The following TATDN2 variants were observed in gnomAD, a reference collection of about 807,000 sequenced individuals.
The protein encoded by TATDN2 is TatD DNase domain containing 2.
In TATDN2, 44 loss-of-function variants were observed where a neutral mutation model predicts 60.3. The observed-to-expected ratio is 0.73, with a 90% CI of 0.57 to 0.94. TATDN2 has a LOEUF of 0.94. TATDN2 is among the 40% of genes least tolerant of loss of function. TATDN2 has a pLI of 0.00. For synonymous variants in TATDN2, 399 were observed against 355.8 expected (o/e 1.12, Z -1.37); for missense variants, 997 against 948.0 (o/e 1.05, Z -0.68).
intron 2 of TATDN2, among the ~76,000 whole-genome samples, chr3:10,255,670 G>A (rs755467119): frequency 7.2e-5 from 11 of 152,200 alleles, no homozygotes; most frequent in East Asian, 3.9e-4. Flanking sequence ...GGCTGGGTGC[G>A]GTGGCTCATG....
At chr3:10,257,519 C>G (rs139243616) in intron 2 of TATDN2, among the ~76,000 whole-genome samples, 10 of 141,714 alleles carry the variant, frequency 7.1e-5, no homozygotes, top group Admixed American at 5.2e-4. Flanking sequence ...ATCCCAGGTA[C>G]TTGGGAGGCT....
At chr3:10,277,951 A>G (rs1337985545) in intron 5 of TATDN2, among the ~76,000 whole-genome samples, 2 of 152,022 alleles carry the variant, frequency 1.3e-5, no homozygotes, top group Non-Finnish European at 2.9e-5. Flanking sequence ...TTGTCATCAT[A>G]GGGGCCACAG....
intron 2 of TATDN2, among the ~76,000 whole-genome samples, chr3:10,258,392 C>G (rs919707838): frequency 3.9e-5 from 6 of 152,102 alleles, no homozygotes; most frequent in African/African-American, 1.4e-4. Context: ...ATTCTCCTGC[C>G]TCAGCCTCTT....
Position 10,278,650 on chromosome 3 carries a change from C to A in TATDN2, c.2145+188C>A. ...AGGGGGCTGAGAAGCTGAAGGGTAA[C>A]CACTCTCTTCCAGGCAGTGCAAAGC... On this transcript the variant is annotated intron_variant, in intron 6 of 7. Coordinates refer to ENST00000448281, the MANE Select transcript of TATDN2 (RefSeq NM_014760.4). The surrounding 1 kb of genome is among the most constrained non-coding windows in gnomAD (Gnocchi z 4.7). 1.0e-6 allele frequency: 1 copy of A among 979,816 alleles called. No individual in the cohort carries two copies. Among genetic ancestry groups the A allele is most frequent in the Non-Finnish European group, 1.6e-6 (1 of 635,486 alleles). The allele number at this position is 979,816 out of a possible 1,614,324, so 60.7% of individuals were successfully genotyped here. A position where few individuals can be genotyped will look rare whatever the true frequency, so the allele number is the denominator to read the frequency against.
intron 2 of TATDN2, among the ~76,000 whole-genome samples, chr3:10,251,406 G>A (rs1698230876): frequency 6.6e-6 from 1 of 151,968 alleles, no homozygotes; most frequent in Non-Finnish European, 1.5e-5. Flanking sequence ...CTTTTTTTGA[G>A]ACAGATTCTT....
chr3:10,272,512 C>T (rs1698581535), intron 4 of TATDN2, among the ~76,000 whole-genome samples: 1 of 151,560 alleles, frequency 6.6e-6, no homozygotes, highest in Admixed American at 6.6e-5. Context: ...GATATTGGCT[C>T]ACTGCAGCCT....
In TATDN2 at chr3:10,254,261, AG is replaced by A. The variant is rs62913261; in HGVS notation, c.414+4650del. On this transcript the variant is annotated intron_variant, in intron 2 of 7. Transcript: ENST00000448281. Reference sequence around the variant, plus strand: ...AACAGGGATGGGTTTGGAGTACCCAAGGGTCAGGGGAATGAGCGACTGACCA... The same window carrying A: ...AACAGGGATGGGTTTGGAGTACCCAAGGTCAGGGGAATGAGCGACTGACCA... 7.0e-3 allele frequency among the ~76,000 whole-genome samples: 1,059 copies of A among 152,288 alleles called. 53 individuals carry two copies. In the South Asian group the frequency reaches 0.12, roughly 18 times the overall value.
At chr3:10,261,365 C>CTTTTTTTTTTTTTT (rs58599009) in intron 3 of TATDN2, among the ~76,000 whole-genome samples, 1 of 134,036 alleles carries the variant, frequency 7.5e-6, no homozygotes, top group Non-Finnish European at 1.6e-5. Flanking sequence ...CCATCTTTTT[C>CTTTTTTTTTTTTTT]TTTTTTTTTT....
intron 2 of TATDN2, among the ~76,000 whole-genome samples, chr3:10,251,582 C>T (rs1421444370): frequency 1.3e-5 from 2 of 152,076 alleles, no homozygotes; most frequent in African/African-American, 2.4e-5. Context: ...GATGGGGTTT[C>T]GCCTTGTTGG....
At chr3:10,257,520 T>C (rs1420212258) in intron 2 of TATDN2, among the ~76,000 whole-genome samples, 1 of 146,868 alleles carries the variant, frequency 6.8e-6, no homozygotes, top group Admixed American at 6.9e-5. Context: ...TCCCAGGTAC[T>C]TGGGAGGCTG....
rs1381858685 is a variant in TATDN2, at chr3:10,260,784, A to C, written c.948+114A>C. The C allele has an allele frequency of 6.3e-6, 8 of 1,261,758 alleles. No homozygotes were observed. In the East Asian group the frequency reaches 1.9e-4, roughly 30 times the overall value. The allele number at this position is 1,261,758 out of a possible 1,614,324, so 78.2% of individuals were successfully genotyped here. On this transcript the variant is annotated intron_variant, in intron 3 of 7. Transcript: ENST00000448281. ...ATTAAAAATAGTACTTTACTTAACC[A>C]GGCCTCCAGGGAACAAACTGATGGT...
At position 10,270,391 on chromosome 3, in the gene TATDN2, C is replaced by G. The variant is rs143575255; in HGVS notation, c.1209C>G (p.Asn403Lys). Residue 403 changes from asparagine to lysine, a missense_variant, in exon 4 of 8, where the codon AAC becomes AAG. Asn to Lys is a moderately conservative substitution (Grantham distance 94). Transcript: ENST00000448281. ...ACCCCTCCACAGGCAGCAGCAGCAACGATGCAGCCCAGGTTGGGAAGAGCA... is the reference window on the plus strand; with the variant it reads ...ACCCCTCCACAGGCAGCAGCAGCAAGGATGCAGCCCAGGTTGGGAAGAGCA... The part of the protein sequence containing the change: ...SSYPSTGSSS[N>K]DAAQVGKSSR... 62 of 1,614,058 alleles carry G rather than the reference C, an allele frequency of 3.8e-5. No individual in the cohort carries two copies. Among genetic ancestry groups the G allele is most frequent in the Non-Finnish European group, 5.2e-5 (61 of 1,180,036 alleles).
chr3:10,249,133 G>A (rs1698179004), intron 1 of TATDN2, 62 bp from the exon 2 acceptor site: 1 of 1,479,466 alleles, frequency 6.8e-7, no homozygotes, highest in African/African-American at 1.4e-5. Context: ...GGGGTGGCGG[G>A]AATCTGAGGT....
Position 10,270,594 on chromosome 3 carries a change from C to T in TATDN2, c.1412C>T (p.Pro471Leu), listed in dbSNP as rs776999048. The T allele has an allele frequency of 1.4e-5, 23 of 1,614,092 alleles. No homozygotes were observed. The highest frequency in any genetic ancestry group is 1.3e-4 in the African/African-American group (10 of 74,932). Residue 471 changes from proline (P) to leucine (L), a missense_variant, in exon 4 of 8, where the codon CCG becomes CTG. Coordinates refer to ENST00000448281, the MANE Select transcript of TATDN2 (RefSeq NM_014760.4). Reference sequence around the variant, plus strand: ...AGAACATTCCAAGAGGAGATGCCTCCGCGTCCTTGTGGAGGACACGCATCC... The same window carrying T: ...AGAACATTCCAAGAGGAGATGCCTCTGCGTCCTTGTGGAGGACACGCATCC... Reference protein sequence around the residue: ...EKRTFQEEMPPRPCGGHASSS... With the variant: ...EKRTFQEEMPLRPCGGHASSS...
rs112449764 is a variant in TATDN2, at chr3:10,266,022, T to G, written c.949-4109T>G. On this transcript the variant is annotated intron_variant, in intron 3 of 7. Coordinates refer to ENST00000448281, the MANE Select transcript of TATDN2 (RefSeq NM_014760.4). ...GGCTTAGGTTTTGGCCATCTGATCT[T>G]CTTGGCTGATAATCATTAACCCATC... Among the ~76,000 whole-genome samples the G allele has an allele frequency of 1.1e-3, 163 of 152,322 alleles. 2 individuals are homozygous for G. Among genetic ancestry groups the G allele is most frequent in the African/African-American group, 3.6e-3 (150 of 41,564 alleles).
rs887967257 is a variant in TATDN2 at position 10,249,448 on chromosome 3, C to G, written c.248C>G (p.Ser83Cys). Residue 83 changes from serine to cysteine, a missense_variant, in exon 2 of 8, where the codon TCC becomes TGC. Transcript: ENST00000448281. Reference protein sequence around the residue: ...SSRRRNNSSSSFSPHFLGPGV... With the variant: ...SSRRRNNSSSCFSPHFLGPGV... Reference sequence around the variant, plus strand: ...CGCCGCAGAAATAACTCCTCCTCCTCCTTCTCCCCACATTTCTTGGGCCCT... The same window carrying G: ...CGCCGCAGAAATAACTCCTCCTCCTGCTTCTCCCCACATTTCTTGGGCCCT... 1 of 1,613,820 alleles carries G rather than the reference C, an allele frequency of 6.2e-7. No individual in the cohort carries two copies. The highest frequency in any genetic ancestry group is 8.5e-7 in the Non-Finnish European group (1 of 1,180,004).
In TATDN2 at chr3:10,278,622, T is replaced by C; in HGVS notation, c.2145+160T>C. ...TGCTGTTACTCTGCAGAACCAAAAG[T>C]CTAGGGGGCTGAGAAGCTGAAGGGT... On this transcript the variant is annotated intron_variant, in intron 6 of 7. Transcript: ENST00000448281. The surrounding 1 kb of genome is among the most constrained non-coding windows in gnomAD (Gnocchi z 4.7). 1.8e-6 allele frequency: 2 copies of C among 1,086,264 alleles called. No homozygotes were observed. Among genetic ancestry groups the C allele is most frequent in the South Asian group, 1.3e-5 (1 of 77,652 alleles). The allele number at this position is 1,086,264 out of a possible 1,614,324, so 67.3% of individuals were successfully genotyped here. A position where few individuals can be genotyped will look rare whatever the true frequency, so the allele number is the denominator to read the frequency against.
intron 2 of TATDN2, among the ~76,000 whole-genome samples, chr3:10,250,402 C>G (rs562660260): frequency 5.9e-5 from 9 of 151,922 alleles, no homozygotes; most frequent in Admixed American, 1.3e-4. Context: ...TCACTTTCCC[C>G]TTAGAGTTTG....
In TATDN2 at chr3:10,249,470, C is replaced by G; in HGVS notation, c.270C>G (p.Gly90=). The change falls in exon 2 of 8, where the codon GGC becomes GGG. Residue 90 remains glycine (G), a synonymous_variant. Coordinates refer to ENST00000448281, the MANE Select transcript of TATDN2 (RefSeq NM_014760.4). ...CCTCCTTCTCCCCACATTTCTTGGG[C>G]CCTGGTGTGGGCGGGGCCGCCTCCA... ...SSSSFSPHFL[G]PGVGGAASKG... 6.2e-7 allele frequency: 1 copy of G among 1,613,896 alleles called. No individual in the cohort carries two copies. Among genetic ancestry groups the G allele is most frequent in the Non-Finnish European group, 8.5e-7 (1 of 1,179,984 alleles).
Sources: gnomAD v4.1 joint callset for allele counts (sites outside exome capture counted in the v4.1 genomes callset) on GRCh38, gnomAD v4.1.1 for gene constraint, Gnocchi (gnomAD v3.1) non-coding constraint, MANE v1.5 for transcripts, NCBI Gene and HGNC (gene_info 2026-07-23, HGNC 2026-07-21) for gene names.